The following MKI67 variants were observed in gnomAD, a reference collection of about 807,000 sequenced individuals.
MKI67 encodes proliferation marker protein Ki-67.
A neutral mutation model predicts 233.5 loss-of-function variants in MKI67; 152 were observed. The observed-to-expected ratio is 0.65, with a 90% CI of 0.57 to 0.74. The LOEUF is 0.74. Among genes scored for constraint, MKI67 ranks in the 30% least tolerant of loss-of-function variants. The pLI is 0.00. For synonymous variants in MKI67, 1,465 were observed against 1,418.5 expected (o/e 1.03, Z -0.74); for missense variants, 3,940 against 3,885.2 (o/e 1.01, Z -0.37).
intron 4 of MKI67, among the ~76,000 whole-genome samples, chr10:128,121,998 A>G (rs1025811498): frequency 3.9e-5 from 6 of 152,170 alleles, no homozygotes; most frequent in Admixed American, 3.3e-4. Flanking sequence ...CGAGACGTTT[A>G]TGATATCCTA....
Position 128,101,327 on chromosome 10 carries a change from G to C in MKI67, c.9636C>G (p.Ser3212Arg). The C allele has an allele frequency of 6.2e-7, 1 of 1,614,206 alleles. No individual in the cohort carries two copies. Among genetic ancestry groups the C allele is most frequent in the South Asian group, 1.1e-5 (1 of 91,090 alleles). Residue 3212 changes from serine to arginine, a missense_variant, in exon 14 of 15, where the codon AGC becomes AGG. Transcript: ENST00000368654. ...SRKTKSQPAA[S>R]TLESKSVQRV... Reference sequence around the variant, plus strand: ...TCTGCACAGATTTGCTCTCCAAAGTGCTTGCTGCAGGCTGGCTTTTTGTCT... The same window carrying C: ...TCTGCACAGATTTGCTCTCCAAAGTCCTTGCTGCAGGCTGGCTTTTTGTCT...
At chr10:128,114,186 C>A (rs1852744006) in intron 7 of MKI67, among the ~76,000 whole-genome samples, 1 of 152,190 alleles carries the variant, frequency 6.6e-6, no homozygotes, top group South Asian at 2.1e-4. Context: ...AGGCCACCTG[C>A]AGAAACACAG....
chr10:128,098,966 C>G lies in MKI67; in HGVS notation c.*224G>C. 5.0e-6 allele frequency: 2 copies of G among 399,542 alleles called. No individual in the cohort carries two copies. Among genetic ancestry groups the G allele is most frequent in the East Asian group, 8.4e-5 (2 of 23,748 alleles). 24.7% of individuals were successfully genotyped at this position (399,542 alleles called of 1,614,324 possible). On this transcript the variant is annotated 3_prime_UTR_variant, in exon 15 of 15. Coordinates refer to ENST00000368654, the MANE Select transcript of MKI67 (RefSeq NM_002417.5). ...CTGAGGGCAAACCTTGGCCCAGACT[C>G]CTTCACAAAGCCCCCGGTGTTCAAC...
chr10:128,104,987 T>A lies in MKI67; in HGVS notation c.6853A>T (p.Thr2285Ser), dbSNP rs1453551342. The change falls in exon 13 of 15, where the codon ACT becomes TCT. Residue 2285 changes from threonine to serine, a missense_variant. Transcript: ENST00000368654. The part of the protein sequence containing the change: ...DEKDMKAFMG[T>S]PVQKLDLPGN... The stretch of plus-strand genomic sequence containing the variant: ...GGCAGGTCCAATTTCTGCACTGGAG[T>A]TCCCATAAATGCTTTCATGTCTTTC... 1 of 1,613,504 alleles carries A rather than the reference T, an allele frequency of 6.2e-7. No individual in the cohort carries two copies.
intron 13 of MKI67, 83 bp downstream of exon 13, chr10:128,102,496 C>T (rs930969371): frequency 8.0e-6 from 12 of 1,502,270 alleles, no homozygotes; most frequent in Non-Finnish European, 1.1e-5. Context: ...CCACTTATAA[C>T]GTCAGGTTAC....
At position 128,111,994 on chromosome 10, in the gene MKI67, G is replaced by A; in HGVS notation, c.2021C>T (p.Thr674Ile). 6.2e-7 allele frequency: 1 copy of A among 1,613,606 alleles called. No individual in the cohort carries two copies. Among genetic ancestry groups the A allele is most frequent in the Admixed American group, 1.7e-5 (1 of 59,878 alleles). Residue 674 changes from threonine (T) to isoleucine (I), a missense_variant, in exon 10 of 15, where the codon ACT becomes ATT. Physicochemically the swap from Thr to Ile is moderately conservative, Grantham distance 89 (BLOSUM62 -1). Coordinates refer to ENST00000368654, the MANE Select transcript of MKI67 (RefSeq NM_002417.5). ...VVKLGAKQTQ[T>I]KVIKHGPQRS... is the part of the protein sequence containing the mutation. ...TTGAGGACCATGTTTTATGACTTTAGTTTGTGTTTGTTTTGCACCAAGTTT... is the reference window on the plus strand; with the variant it reads ...TTGAGGACCATGTTTTATGACTTTAATTTGTGTTTGTTTTGCACCAAGTTT...
In MKI67 at chr10:128,108,651, C is replaced by G. The variant is rs750077876; in HGVS notation, c.3189G>C (p.Lys1063Asn). ...GAGACTCCTTAAACGTTCTGATGCT[C>G]TTGCCATCTCCTGCTGGCTCTCTGT... ...HTHREPAGDGKSIRTFKESPK... is the reference protein window; with the variant it reads ...HTHREPAGDGNSIRTFKESPK... Residue 1063 changes from lysine (K) to asparagine (N), a missense_variant, in exon 13 of 15, where the codon AAG (lysine) becomes AAC (asparagine). By Grantham distance (94) the Lys-to-Asn change is moderately conservative. Coordinates refer to ENST00000368654, the MANE Select transcript of MKI67 (RefSeq NM_002417.5). The G allele has an allele frequency of 6.2e-7, 1 of 1,614,146 alleles. No individual in the cohort carries two copies. The highest frequency in any genetic ancestry group is 8.5e-7 in the Non-Finnish European group (1 of 1,180,020).
chr10:128,115,670 T>A lies in MKI67; in HGVS notation c.738A>T (p.Lys246Asn), dbSNP rs1377960707. Reference sequence around the variant, plus strand: ...CTTTTTGTGATTTTACATCCAACTCTTTCTTCACTGACTCATAAAGCTTCC... The same window carrying A: ...CTTTTTGTGATTTTACATCCAACTCATTCTTCACTGACTCATAAAGCTTCC... ...PFWKLYESVK[K>N]ELDVKSQKEN... The change falls in exon 7 of 15, where the codon AAA (lysine) becomes AAT (asparagine). Residue 246 changes from lysine (K) to asparagine (N), a missense_variant. Transcript: ENST00000368654. The A allele has an allele frequency of 6.2e-7, 1 of 1,613,806 alleles. No individual in the cohort carries two copies.
At chr10:128,113,969 G>A (rs1429614771) in intron 7 of MKI67, among the ~76,000 whole-genome samples, 1 of 152,148 alleles carries the variant, frequency 6.6e-6, no homozygotes, top group East Asian at 1.9e-4. Context: ...GAGCCACCCA[G>A]TGACCAGAAT....
chr10:128,102,453 A>G, intron 13 of MKI67, 126 bp downstream of exon 13: 3 of 1,135,588 alleles, frequency 2.6e-6, no homozygotes, highest in Non-Finnish European at 3.8e-6. Flanking sequence ...GCAGTTATTC[A>G]GTGTTAAAGG....
chr10:128,124,285 T>C lies in MKI67; in HGVS notation c.93-1116A>G, dbSNP rs147469261. Among the ~76,000 whole-genome samples, 151 of 152,286 alleles carry C rather than the reference T, an allele frequency of 9.9e-4. No homozygotes were observed. The East Asian group carries it at 0.026, about 27-fold the overall frequency. ...CAAAGGAAAGACTATCCCTTACAAC[T>C]GAGAATTTGTTTGGCAGGAGGACGA... On this transcript the variant is annotated intron_variant, in intron 2 of 14. Coordinates refer to ENST00000368654, the MANE Select transcript of MKI67 (RefSeq NM_002417.5).
Position 128,104,652 on chromosome 10 carries a change from A to G in MKI67, c.7188T>C (p.Asp2396=). The G allele has an allele frequency of 1.2e-6, 2 of 1,613,504 alleles. No individual in the cohort carries two copies. The highest frequency in any genetic ancestry group is 1.7e-6 in the Non-Finnish European group (2 of 1,179,920). The part of the protein sequence containing the change: ...AMDTPKPAVS[D]EKNINTFVET... Reference sequence around the variant, plus strand: ...CCACAAATGTGTTGATATTTTTCTCATCACTTACTGCTGGTTTTGGTGTGT... The same window carrying G: ...CCACAAATGTGTTGATATTTTTCTCGTCACTTACTGCTGGTTTTGGTGTGT... Residue 2396 remains aspartate (D), a synonymous_variant, in exon 13 of 15, where the codon GAT becomes GAC. Transcript: ENST00000368654.
At position 128,119,266 on chromosome 10, in the gene MKI67, T is replaced by C. The variant is rs750143158; in HGVS notation, c.341A>G (p.Lys114Arg). 2.5e-6 allele frequency: 4 copies of C among 1,607,716 alleles called. No individual in the cohort carries two copies. Among genetic ancestry groups the C allele is most frequent in the Admixed American group, 3.3e-5 (2 of 59,902 alleles). ...NGRKSTEFPR[K>R]IREQEPARRV... ...ATTTTCTATCACCTGTTCACGTATT[T>C]TTCTTGGAAATTCAGTTGACTTCCT... The change falls in exon 5 of 15, where the codon AAA (lysine) becomes AGA (arginine). Residue 114 changes from lysine (K) to arginine (R), a missense_variant. Physicochemically the swap from Lys to Arg is conservative, Grantham distance 26 (BLOSUM62 2). Transcript: ENST00000368654.
chr10:128,119,319 C>A lies in MKI67; in HGVS notation c.288G>T (p.Arg96Ser). Residue 96 changes from arginine to serine, a missense_variant and splice_region_variant, in exon 5 of 15, where the codon AGG becomes AGT. Coordinates refer to ENST00000368654, the MANE Select transcript of MKI67 (RefSeq NM_002417.5). The stretch of plus-strand genomic sequence containing the variant: ...CATTCTGAAGACTTTCATTTTCATA[C>A]CTGCAGTTTATAGAACGACAAAGAT... Reference protein sequence around the residue: ...DVITIIDRSFRYENESLQNGR... With the variant: ...DVITIIDRSFSYENESLQNGR... 1 of 1,597,852 alleles carries A rather than the reference C, an allele frequency of 6.3e-7. No homozygotes were observed. The highest frequency in any genetic ancestry group is 8.6e-7 in the Non-Finnish European group (1 of 1,165,796).
Position 128,115,355 on chromosome 10 carries a change from A to C in MKI67, c.1053T>G (p.Tyr351Ter). Residue 351 changes from tyrosine to a stop codon, truncating the protein, a stop_gained, in exon 7 of 15, where the codon TAT becomes TAG. Coordinates refer to ENST00000368654, the MANE Select transcript of MKI67 (RefSeq NM_002417.5). LOFTEE classifies it high-confidence loss of function. ...TTTGTGGAGAATTTTGTTGCTGTGA[A>C]TATTGTACAGGGGTCTTCATTTTAG... ...EPAKMKTPVQ[Y>*]SQQQNSPQKH... 1.2e-6 allele frequency: 2 copies of C among 1,614,148 alleles called. No homozygotes were observed. The highest frequency in any genetic ancestry group is 1.3e-5 in the African/African-American group (1 of 75,032).
Position 128,097,089 on chromosome 10 carries a change from A to T in MKI67, c.*2101T>A, listed in dbSNP as rs1369150088. On this transcript the variant is annotated 3_prime_UTR_variant, in exon 15 of 15. Transcript: ENST00000368654. ...AAGAAAGCCCAAGAGAGGCTGGGGGACCAGATCCCACAGGCCCTGGGAGGC... is the reference window on the plus strand; with the variant it reads ...AAGAAAGCCCAAGAGAGGCTGGGGGTCCAGATCCCACAGGCCCTGGGAGGC... 1 of 152,202 alleles carries T rather than the reference A, an allele frequency of 6.6e-6. No homozygotes were observed. Among genetic ancestry groups the T allele is most frequent in the Non-Finnish European group, 1.5e-5 (1 of 68,076 alleles). 9.4% of individuals were successfully genotyped at this position (152,202 alleles called of 1,614,324 possible).
intron 8 of MKI67, 113 bp from the exon 9 acceptor site, chr10:128,112,558 A>T: frequency 9.7e-7 from 1 of 1,026,270 alleles, no homozygotes; most frequent in Non-Finnish European, 1.4e-6. Context: ...TTGAAGCATC[A>T]AATGCTTAAG....
At position 128,103,632 on chromosome 10, in the gene MKI67, CTCT is replaced by C. The variant is rs1186444347; in HGVS notation, c.8205_8207del (p.Glu2736del). 19 of 1,614,150 alleles carry C rather than the reference CTCT, an allele frequency of 1.2e-5. 1 individual carries two copies. Among genetic ancestry groups the C allele is most frequent in the African/African-American group, 5.3e-5 (4 of 75,008 alleles). ...TTTGTGTGAACTTGACTGCTGAAGGCTCTTCTTTTACTTGTACCTTCTGCACAC... is the reference window on the plus strand; with the variant it reads ...TTTGTGTGAACTTGACTGCTGAAGGCTCTTTTACTTGTACCTTCTGCACAC... On this transcript the variant is annotated inframe_deletion, in exon 13 of 15. Transcript: ENST00000368654.
chr10:128,115,450 C>T lies in MKI67; in HGVS notation c.958G>A (p.Gly320Arg), dbSNP rs752621123. ...EQELDQNKGKGRDVESVQTPS... is the reference protein window; with the variant it reads ...EQELDQNKGKRRDVESVQTPS... ...GTCTGAACAGACTCCACGTCTCTTCCCTTCCCCTTGTTCTGGTCAAGCTCT... is the reference window on the plus strand; with the variant it reads ...GTCTGAACAGACTCCACGTCTCTTCTCTTCCCCTTGTTCTGGTCAAGCTCT... The change falls in exon 7 of 15, where the codon GGA becomes AGA. Residue 320 changes from glycine (G) to arginine (R), a missense_variant. Transcript: ENST00000368654. The T allele has an allele frequency of 2.0e-5, 32 of 1,613,590 alleles. No homozygotes were observed. The highest frequency in any genetic ancestry group is 6.7e-5 in the Admixed American group (4 of 59,884).
Sources: allele counts gnomAD v4.1 joint callset (sites outside exome capture counted in the v4.1 genomes callset), GRCh38; gene constraint gnomAD v4.1.1; transcripts MANE v1.5; gene names NCBI Gene and HGNC (gene_info 2026-07-23, HGNC 2026-07-21).